Variants in FBXO8 observed in about 807,000 individuals in gnomAD.
FBXO8 encodes the protein F-box only protein 8.
In FBXO8, 15 loss-of-function variants were observed where a neutral mutation model predicts 33.4. That is an observed-to-expected ratio of 0.45 (90% CI 0.30 to 0.69). The LOEUF (loss-of-function observed/expected upper bound fraction) is 0.69, where lower values mean the gene tolerates loss of function less well. FBXO8 is among the 30% of genes least tolerant of loss of function. FBXO8 has a pLI of 0.08. For missense variants in FBXO8, 274 were observed against 380.3 expected (o/e 0.72, Z 2.32); for synonymous variants, 132 against 131.5 (o/e 1.00, Z -0.02).
chr4:174,264,346 A>T (rs1381621377), intron 1 of FBXO8, among the ~76,000 whole-genome samples: 1 of 152,158 alleles, frequency 6.6e-6, no homozygotes, highest in Non-Finnish European at 1.5e-5. Flanking sequence ...AATGTCAAAG[A>T]TTGTTGTTGA....
rs1736500041 is a variant in FBXO8 at position 174,259,622 on chromosome 4, T to C, written c.456+77A>G. The C allele has an allele frequency of 1.3e-6, 2 of 1,524,866 alleles. No homozygotes were observed. Among genetic ancestry groups the C allele is most frequent in the Non-Finnish European group, 1.8e-6 (2 of 1,134,582 alleles). 94.5% of individuals were successfully genotyped at this position (1,524,866 alleles called of 1,614,324 possible). On this transcript the variant is annotated intron_variant, in intron 3 of 5. Transcript: ENST00000393674. This position sits in a 1 kb window ranked among gnomAD's most constrained non-coding sequence, Gnocchi z 4.3. ...TTCAATGACTTTTTGTTTTCCCTGC[T>C]AGTTTATGATATTGGAAAGCTGCAG...
rs1301662898 is a variant in FBXO8, at chr4:174,255,454, A to C, written c.456+4245T>G. Among the ~76,000 whole-genome samples, 1 of 152,142 alleles carries C rather than the reference A, an allele frequency of 6.6e-6. No individual in the cohort carries two copies. Among genetic ancestry groups the C allele is most frequent in the Non-Finnish European group, 1.5e-5 (1 of 68,004 alleles). ...ATGTTATCTTGAAAATAAGTTGCAT[A>C]TTCATTTCTACCTCAAACATGTGGA... On this transcript the variant is annotated intron_variant, in intron 3 of 5. Coordinates refer to ENST00000393674, the MANE Select transcript of FBXO8 (RefSeq NM_012180.3). This position sits in a 1 kb window ranked among gnomAD's most constrained non-coding sequence, Gnocchi z 4.3.
In FBXO8 at chr4:174,278,025, T is replaced by C. The variant is rs1181208081; in HGVS notation, c.-9+5385A>G. 6.6e-6 allele frequency among the ~76,000 whole-genome samples: 1 copy of C among 152,072 alleles called. No individual in the cohort carries two copies. The highest frequency in any genetic ancestry group is 1.5e-5 in the Non-Finnish European group (1 of 67,962). The stretch of plus-strand genomic sequence containing the variant: ...AAATCAGGAGCCTAGCATTTATTTC[T>C]TCACTTCCAAAAGAATAGACCACCA... On this transcript the variant is annotated intron_variant, in intron 1 of 5. Coordinates refer to ENST00000393674, the MANE Select transcript of FBXO8 (RefSeq NM_012180.3). This position sits in a 1 kb window ranked among gnomAD's most constrained non-coding sequence, Gnocchi z 4.1.
At chr4:174,249,018 C>T (rs1158683012) in intron 3 of FBXO8, among the ~76,000 whole-genome samples, 1 of 152,006 alleles carries the variant, frequency 6.6e-6, no homozygotes, top group African/African-American at 2.4e-5. Context: ...CAATGGCAAA[C>T]AAAATAACAT....
In FBXO8 at chr4:174,251,736, C is replaced by G. The variant is rs187544961; in HGVS notation, c.456+7963G>C. On this transcript the variant is annotated intron_variant, in intron 3 of 5. Transcript: ENST00000393674. The surrounding 1 kb of genome is among the most constrained non-coding windows in gnomAD (Gnocchi z 4.2). ...TAAGTTGTCTAGGCAGAGGAAGAGG[C>G]TATTTAGTGTCTGAGAGGCATAATT... Among the ~76,000 whole-genome samples, 2 of 152,072 alleles carry G rather than the reference C, an allele frequency of 1.3e-5. No individual in the cohort carries two copies. The highest frequency in any genetic ancestry group is 2.9e-5 in the Non-Finnish European group (2 of 68,002).
In FBXO8 at chr4:174,261,916, TAAGAC is replaced by T. The variant is rs1736573084; in HGVS notation, c.329+843_329+847del. ...TTTATAAAGACCTATTTCAAGATAA[TAAGAC>T]AAATAAACTTTGGTAAAGGATGCTA... is the stretch of plus-strand genomic sequence containing the variant. On this transcript the variant is annotated intron_variant, in intron 2 of 5. Transcript: ENST00000393674. This position sits in a 1 kb window ranked among gnomAD's most constrained non-coding sequence, Gnocchi z 4.1. Among the ~76,000 whole-genome samples, 1 of 152,064 alleles carries T rather than the reference TAAGAC, an allele frequency of 6.6e-6. No individual in the cohort carries two copies. Among genetic ancestry groups the T allele is most frequent in the Non-Finnish European group, 1.5e-5 (1 of 67,910 alleles).
rs767474507 is a variant in FBXO8, at chr4:174,274,826, C to A, written c.-9+8584G>T. On this transcript the variant is annotated intron_variant, in intron 1 of 5. Transcript: ENST00000393674. The surrounding 1 kb of genome is among the most constrained non-coding windows in gnomAD (Gnocchi z 4.0). ...ACTCAAAATGGACCATAGACTTAAACGTAAAACATAAAACTATAAAAATTT... is the reference window on the plus strand; with the variant it reads ...ACTCAAAATGGACCATAGACTTAAAAGTAAAACATAAAACTATAAAAATTT... Among the ~76,000 whole-genome samples, 106 of 152,082 alleles carry A rather than the reference C, an allele frequency of 7.0e-4. No homozygotes were observed. The highest frequency in any genetic ancestry group is 1.3e-3 in the Non-Finnish European group (91 of 67,984).
rs562907436 is a variant in FBXO8 at position 174,263,503 on chromosome 4, G to A, written c.-8-403C>T. Among the ~76,000 whole-genome samples, 20 of 152,230 alleles carry A rather than the reference G, an allele frequency of 1.3e-4. No homozygotes were observed. The highest frequency in any genetic ancestry group is 4.6e-4 in the African/African-American group (19 of 41,548). ...TTTAGTTAAAAGGCCTCCAGACCCT[G>A]CTTTTTATCACAATTCAGTCTAAGC... On this transcript the variant is annotated intron_variant, in intron 1 of 5. Coordinates refer to ENST00000393674, the MANE Select transcript of FBXO8 (RefSeq NM_012180.3). This position sits in a 1 kb window ranked among gnomAD's most constrained non-coding sequence, Gnocchi z 4.2.
Position 174,241,894 on chromosome 4 carries a change from CAA to C in FBXO8, c.457-678_457-677del, listed in dbSNP as rs1022672318. Among the ~76,000 whole-genome samples the C allele has an allele frequency of 1.3e-5, 2 of 151,400 alleles. No homozygotes were observed. Among genetic ancestry groups the C allele is most frequent in the African/African-American group, 2.4e-5 (1 of 41,354 alleles). On this transcript the variant is annotated intron_variant, in intron 3 of 5. Coordinates refer to ENST00000393674, the MANE Select transcript of FBXO8 (RefSeq NM_012180.3). The surrounding 1 kb of genome is among the most constrained non-coding windows in gnomAD (Gnocchi z 4.2). ...CTTTGAATTTCCTTTTCTCTGCATGCAAAGTTTTCCAGAGAAGCATTACCCAT... is the reference window on the plus strand; with the variant it reads ...CTTTGAATTTCCTTTTCTCTGCATGCAGTTTTCCAGAGAAGCATTACCCAT...
chr4:174,245,386 G>C lies in FBXO8; in HGVS notation c.457-4168C>G, dbSNP rs78658806. ...GGGGTTTAGACAAGGAATTTAAGGGGTTTAGACAGCTCTGAATGAGGGGAA... is the reference window on the plus strand; with the variant it reads ...GGGGTTTAGACAAGGAATTTAAGGGCTTTAGACAGCTCTGAATGAGGGGAA... On this transcript the variant is annotated intron_variant, in intron 3 of 5. Transcript: ENST00000393674. This position sits in a 1 kb window ranked among gnomAD's most constrained non-coding sequence, Gnocchi z 4.6. Among the ~76,000 whole-genome samples, 25 of 151,964 alleles carry C rather than the reference G, an allele frequency of 1.6e-4. No individual in the cohort carries two copies. The East Asian group carries it at 4.6e-3, about 28-fold the overall frequency.
At position 174,259,498 on chromosome 4, in the gene FBXO8, T is replaced by C. The variant is rs1736493993; in HGVS notation, c.456+201A>G. ...GATGCTGCTACATAAAGTGAACAGG[T>C]AGAAAGGTTAGAACGTGACATGGTA... On this transcript the variant is annotated intron_variant, in intron 3 of 5. Coordinates refer to ENST00000393674, the MANE Select transcript of FBXO8 (RefSeq NM_012180.3). The surrounding 1 kb of genome is among the most constrained non-coding windows in gnomAD (Gnocchi z 4.3). Among the ~76,000 whole-genome samples the C allele has an allele frequency of 6.6e-6, 1 of 152,012 alleles. No homozygotes were observed. The highest frequency in any genetic ancestry group is 2.4e-5 in the African/African-American group (1 of 41,408).
chr4:174,273,323 T>TAAAAA (rs368582397), intron 1 of FBXO8, among the ~76,000 whole-genome samples: 1 of 109,482 alleles, frequency 9.1e-6, no homozygotes, highest in Non-Finnish European at 1.9e-5. Flanking sequence ...TCATAAAAGT[T>TAAAAA]AAAAAAAAAA....
chr4:174,264,609 C>T (rs1310357602), intron 1 of FBXO8, among the ~76,000 whole-genome samples: 1 of 151,852 alleles, frequency 6.6e-6, no homozygotes, highest in African/African-American at 2.4e-5. Context: ...GCTTGGAATC[C>T]CAGCAGCTTA....
rs925717204 is a variant in FBXO8, at chr4:174,259,091, GA to G, written c.456+607del. ...CATGACATAGTAAAATAAGAATAGA[GA>G]AAAAAAAAATCAGTGAAAAAGTTGT... On this transcript the variant is annotated intron_variant, in intron 3 of 5. Transcript: ENST00000393674. The surrounding 1 kb of genome is among the most constrained non-coding windows in gnomAD (Gnocchi z 4.3). 4.0e-4 allele frequency among the ~76,000 whole-genome samples: 58 copies of G among 146,080 alleles called. 1 individual carries two copies. Among genetic ancestry groups the G allele is most frequent in the Middle Eastern group, 3.5e-3 (1 of 286 alleles).
rs1736999098 is a variant in FBXO8, at chr4:174,278,256, T to TA, written c.-9+5153_-9+5154insT. ...CATTGAACACATAAAAAGCCCCTAC[T>TA]CATTAAATTTAAAGATCTGGTCCTG... On this transcript the variant is annotated intron_variant, in intron 1 of 5. Coordinates refer to ENST00000393674, the MANE Select transcript of FBXO8 (RefSeq NM_012180.3). This position sits in a 1 kb window ranked among gnomAD's most constrained non-coding sequence, Gnocchi z 4.1. Among the ~76,000 whole-genome samples, 1 of 152,040 alleles carries TA rather than the reference T, an allele frequency of 6.6e-6. No individual in the cohort carries two copies. The highest frequency in any genetic ancestry group is 2.4e-5 in the African/African-American group (1 of 41,434).
At chr4:174,248,854 G>T (rs1736223640) in intron 3 of FBXO8, among the ~76,000 whole-genome samples, 1 of 152,012 alleles carries the variant, frequency 6.6e-6, no homozygotes, top group South Asian at 2.1e-4. Context: ...GAAATTATCT[G>T]CAGTTAAAAG....
intron 4 of FBXO8, among the ~76,000 whole-genome samples, chr4:174,239,934 T>G (rs534661095): frequency 2.5e-4 from 38 of 151,734 alleles, no homozygotes; most frequent in African/African-American, 8.7e-4. Flanking sequence ...AATCTTCAAC[T>G]TCTACCAATT....
Position 174,275,226 on chromosome 4 carries a change from C to A in FBXO8, c.-9+8184G>T, listed in dbSNP as rs1046916155. ...AACATCATTAGCCAGGAGAGAGGTGCGTACGGTTATAAAAGCACAGTGTGA... is the reference window on the plus strand; with the variant it reads ...AACATCATTAGCCAGGAGAGAGGTGAGTACGGTTATAAAAGCACAGTGTGA... On this transcript the variant is annotated intron_variant, in intron 1 of 5. Transcript: ENST00000393674. The surrounding 1 kb of genome is among the most constrained non-coding windows in gnomAD (Gnocchi z 4.4). 2.6e-5 allele frequency among the ~76,000 whole-genome samples: 4 copies of A among 152,080 alleles called. No homozygotes were observed. Among genetic ancestry groups the A allele is most frequent in the Non-Finnish European group, 5.9e-5 (4 of 68,014 alleles).
rs1294728732 is a variant in FBXO8 at position 174,283,096 on chromosome 4, T to C, written c.-9+314A>G. Among the ~76,000 whole-genome samples the C allele has an allele frequency of 6.6e-6, 1 of 152,218 alleles. No homozygotes were observed. The highest frequency in any genetic ancestry group is 1.5e-5 in the Non-Finnish European group (1 of 68,046). On this transcript the variant is annotated intron_variant, in intron 1 of 5. Transcript: ENST00000393674. This position sits in a 1 kb window ranked among gnomAD's most constrained non-coding sequence, Gnocchi z 6.7. ...AACCAACACTTGGACCTGAAGAAAG[T>C]AACCCTTGTCATTTCTCAGGTTTAT...
Sources: allele counts gnomAD v4.1 joint callset (sites outside exome capture counted in the v4.1 genomes callset), GRCh38; gene constraint gnomAD v4.1.1; non-coding constraint Gnocchi (gnomAD v3.1); transcripts MANE v1.5; gene names NCBI Gene and HGNC (gene_info 2026-07-23, HGNC 2026-07-21).